ANKHD1: variants seen among roughly 807,000 people sequenced by gnomAD.
ANKHD1 encodes the protein ankyrin repeat and KH domain containing 1, also known as ankyrin repeat and KH domain-containing protein 1.
In ANKHD1, 31 loss-of-function variants were observed where a neutral mutation model predicts 230.5. The ratio of observed to expected loss-of-function variants is 0.13; its 90% CI spans 0.10 to 0.18. The LOEUF is 0.18. ANKHD1 is among the 10% of genes least tolerant of loss of function. The pLI is 1.00. For missense variants in ANKHD1, 2,256 were observed against 3,071.3 expected (o/e 0.73, Z 6.27); for synonymous variants, 1,074 against 1,117.6 (o/e 0.96, Z 0.78).
chr5:140,504,754 G>T, intron 15 of ANKHD1, 67 bp from the exon 16 acceptor site: 2 of 1,547,196 alleles, frequency 1.3e-6, no homozygotes, highest in Admixed American at 2.1e-5. Context: ...CTGTTTTTGT[G>T]TTTTTCTATG....
At chr5:140,526,494 C>T in intron 26 of ANKHD1, 51 bp downstream of exon 26, 1 of 1,540,762 alleles carries the variant, frequency 6.5e-7, no homozygotes, top group Non-Finnish European at 8.7e-7. Context: ...TTCTTCATGC[C>T]TGGTACAAGA....
chr5:140,410,338 G>A (rs1446359232), intron 1 of ANKHD1, among the ~76,000 whole-genome samples: 1 of 152,102 alleles, frequency 6.6e-6, no homozygotes, highest in Non-Finnish European at 1.5e-5. Context: ...ATGAATGAAG[G>A]ATGGAGGTGA....
chr5:140,502,900 T>A (rs1234649830), intron 15 of ANKHD1, among the ~76,000 whole-genome samples: 3 of 152,220 alleles, frequency 2.0e-5, no homozygotes, highest in Non-Finnish European at 4.4e-5. Flanking sequence ...ACTAAATAGT[T>A]AAATTATGTT....
At position 140,528,397 on chromosome 5, in the gene ANKHD1, A is replaced by C. The variant is rs769133456; in HGVS notation, c.5451A>C (p.Ser1817=). The C allele has an allele frequency of 6.0e-5, 97 of 1,614,008 alleles. No individual in the cohort carries two copies. The highest frequency in any genetic ancestry group is 8.1e-5 in the Non-Finnish European group (96 of 1,180,026). Residue 1817 remains serine (S), a synonymous_variant, in exon 29 of 34, where the codon TCA becomes TCC. Coordinates refer to ENST00000360839, the MANE Select transcript of ANKHD1 (RefSeq NM_017747.3). ...TGGGTGCTCCAACTCTTGTAACTTC[A>C]CAGGCAACAACGTTATCTACGTTCC... ...FPLGAPTLVT[S]QATTLSTFQP... is the part of the protein sequence containing the mutation.
intron 5 of ANKHD1, among the ~76,000 whole-genome samples, chr5:140,443,142 A>G (rs1185420654): frequency 1.3e-5 from 2 of 151,694 alleles, no homozygotes; most frequent in Admixed American, 6.6e-5. Flanking sequence ...CGACCTTGTG[A>G]TCCACCCACC....
intron 24 of ANKHD1, among the ~76,000 whole-genome samples, chr5:140,523,738 T>C (rs896440506): frequency 1.2e-4 from 19 of 152,076 alleles, no homozygotes; most frequent in African/African-American, 4.6e-4. Flanking sequence ...TTTTTGTATT[T>C]TTAGTAGAGA....
At chr5:140,417,610 C>G (rs981191362) in intron 1 of ANKHD1, among the ~76,000 whole-genome samples, 1 of 151,656 alleles carries the variant, frequency 6.6e-6, no homozygotes, top group African/African-American at 2.4e-5. Context: ...GCCACCATGT[C>G]TGGCTAATTT....
At chr5:140,481,728 A>G (rs918608125) in intron 10 of ANKHD1, among the ~76,000 whole-genome samples, 1 of 152,102 alleles carries the variant, frequency 6.6e-6, no homozygotes, top group African/African-American at 2.4e-5. Context: ...TAACGTAACC[A>G]CCAGTCTTTA....
chr5:140,530,865 T>G (rs557782252), intron 29 of ANKHD1, among the ~76,000 whole-genome samples: 1 of 152,402 alleles, frequency 6.6e-6, no homozygotes, highest in East Asian at 1.9e-4. Flanking sequence ...TGACCTATGT[T>G]GTTTAAAATT....
In ANKHD1 at chr5:140,504,933, T is replaced by C. The variant is rs775780592; in HGVS notation, c.3117T>C (p.Pro1039=). The C allele has an allele frequency of 4.3e-6, 7 of 1,614,064 alleles. No homozygotes were observed. The highest frequency in any genetic ancestry group is 3.3e-5 in the South Asian group (3 of 91,092). ...GCAATGTGGCTTCCCAATCGATGCC[T>C]CCTGTGTATCCTTCAGTTGACATTG... is the stretch of plus-strand genomic sequence containing the variant. ...TTSNVASQSM[P]PVYPSVDIDA... is the part of the protein sequence containing the mutation. Residue 1039 remains proline (P), a synonymous_variant, in exon 16 of 34, where the codon CCT becomes CCC. Transcript: ENST00000360839.
chr5:140,409,130 G>A lies in ANKHD1; in HGVS notation c.306+6857G>A, dbSNP rs567330320. On this transcript the variant is annotated intron_variant, in intron 1 of 33. Coordinates refer to ENST00000360839, the MANE Select transcript of ANKHD1 (RefSeq NM_017747.3). The stretch of plus-strand genomic sequence containing the variant: ...ACCGGTCTAGAGGCCACTCTTGTCA[G>A]GAATGGTAGTTTTGTTATACTCTGT... Among the ~76,000 whole-genome samples, 3 of 152,118 alleles carry A rather than the reference G, an allele frequency of 2.0e-5. No individual in the cohort carries two copies. The South Asian group carries it at 6.2e-4, about 32-fold the overall frequency.
At position 140,438,569 on chromosome 5, in the gene ANKHD1, T is replaced by C. The variant is rs775885742; in HGVS notation, c.569T>C (p.Leu190Pro). 4 of 1,612,238 alleles carry C rather than the reference T, an allele frequency of 2.5e-6. No individual in the cohort carries two copies. The highest frequency in any genetic ancestry group is 3.4e-6 in the Non-Finnish European group (4 of 1,178,834). The change falls in exon 3 of 34, where the codon CTG becomes CCG. Residue 190 changes from leucine to proline, a missense_variant. Physicochemically the swap from Leu to Pro is moderately conservative, Grantham distance 98 (BLOSUM62 -3). This residue lies in a region of ANKHD1 where 206 missense variants were observed against 304.5 expected (regional missense o/e 0.68). Transcript: ENST00000360839. ...SCALDEAAAALTRMKAENSHN... is the reference protein window; with the variant it reads ...SCALDEAAAAPTRMKAENSHN... Reference sequence around the variant, plus strand: ...GCACTGGATGAAGCTGCTGCTGCACTGACACGGATGAAAGCAGAAAACAGC... The same window carrying C: ...GCACTGGATGAAGCTGCTGCTGCACCGACACGGATGAAAGCAGAAAACAGC...
At chr5:140,453,234 T>C (rs1774891479) in intron 7 of ANKHD1, among the ~76,000 whole-genome samples, 1 of 152,232 alleles carries the variant, frequency 6.6e-6, no homozygotes, top group Non-Finnish European at 1.5e-5. Flanking sequence ...AATCTACGTC[T>C]GATTGGTGTA....
At position 140,496,797 on chromosome 5, in the gene ANKHD1, G is replaced by A. The variant is rs1198735054; in HGVS notation, c.2523G>A (p.Val841=). The A allele has an allele frequency of 6.2e-7, 1 of 1,614,046 alleles. No individual in the cohort carries two copies. The highest frequency in any genetic ancestry group is 1.1e-5 in the South Asian group (1 of 91,070). The part of the protein sequence containing the change: ...KKKILKELQK[V]ERQLQMKTQQ... ...AAATATTGAAAGAACTGCAGAAAGT[G>A]GAAAGGCAGTTGCAGATGAAAACAC... The change falls in exon 15 of 34, where the codon GTG becomes GTA. Residue 841 remains valine (V), a synonymous_variant. Transcript: ENST00000360839.
chr5:140,527,428 C>G lies in ANKHD1; in HGVS notation c.5087+354C>G. The G allele has an allele frequency of 9.1e-6, 2 of 218,654 alleles. No individual in the cohort carries two copies. Among genetic ancestry groups the G allele is most frequent in the South Asian group, 1.5e-4 (2 of 12,966 alleles). The allele number at this position is 218,654 out of a possible 1,614,324, so 13.5% of individuals were successfully genotyped here. On this transcript the variant is annotated intron_variant, in intron 27 of 33. Transcript: ENST00000360839. The surrounding 1 kb of genome is among the most constrained non-coding windows in gnomAD (Gnocchi z 4.5). The stretch of plus-strand genomic sequence containing the variant: ...GAATACATGTCAGCTCATCATTGAC[C>G]TGAGGCTTTATTTTTTATTGCTAAG...
At chr5:140,482,850 A>C (rs1268022931) in intron 11 of ANKHD1, among the ~76,000 whole-genome samples, 183 bp downstream of exon 11, 1 of 152,144 alleles carries the variant, frequency 6.6e-6, no homozygotes, top group Non-Finnish European at 1.5e-5. Flanking sequence ...AATTTTCTTT[A>C]TTAGTTTTGA....
At position 140,487,048 on chromosome 5, in the gene ANKHD1, G is replaced by A. The variant is rs931204600; in HGVS notation, c.2233G>A (p.Gly745Arg). 1 of 1,611,076 alleles carries A rather than the reference G, an allele frequency of 6.2e-7. No homozygotes were observed. Among genetic ancestry groups the A allele is most frequent in the African/African-American group, 1.3e-5 (1 of 74,670 alleles). The change falls in exon 14 of 34, where the codon GGA becomes AGA. Residue 745 changes from glycine to arginine, a missense_variant. This residue lies in a region of ANKHD1 where 358 missense variants were observed against 397.7 expected (regional missense o/e 0.90). Coordinates refer to ENST00000360839, the MANE Select transcript of ANKHD1 (RefSeq NM_017747.3). Reference sequence around the variant, plus strand: ...ACAGGAGAACTCTCCTGCCCTTTTAGGAGTGCAAAAAGGTTAGTTATTGAA... The same window carrying A: ...ACAGGAGAACTCTCCTGCCCTTTTAAGAGTGCAAAAAGGTTAGTTATTGAA... ...TSQENSPALL[G>R]VQKGTSKQKS...
At chr5:140,426,240 C>CT (rs1245935054) in intron 1 of ANKHD1, among the ~76,000 whole-genome samples, 2 of 152,150 alleles carry the variant, frequency 1.3e-5, no homozygotes, top group African/African-American at 4.8e-5. Flanking sequence ...AGCAATTCTC[C>CT]TGCCTCAGGT....
chr5:140,518,699 T>A (rs1224429965), intron 24 of ANKHD1, among the ~76,000 whole-genome samples: 1 of 152,158 alleles, frequency 6.6e-6, no homozygotes, highest in Non-Finnish European at 1.5e-5. Context: ...CATGATTATC[T>A]CAATAGATGC....
Sources: gnomAD v4.1 joint callset for allele counts (sites outside exome capture counted in the v4.1 genomes callset) on GRCh38, gnomAD v4.1.1 for gene constraint, gnomAD v4.1.1 regional missense constraint, Gnocchi (gnomAD v3.1) non-coding constraint, MANE v1.5 for transcripts, NCBI Gene and HGNC (gene_info 2026-07-23, HGNC 2026-07-21) for gene names.